The following STT3B variants were observed in gnomAD, a reference collection of about 807,000 sequenced individuals.
STT3B encodes dolichyl-diphosphooligosaccharide--protein glycosyltransferase subunit STT3B.
STT3B carries 29 observed loss-of-function variants against 96.8 expected under a neutral mutation model. The observed-to-expected ratio is 0.30, with a 90% CI of 0.22 to 0.41. The LOEUF is 0.41. STT3B is among the 10% of genes least tolerant of loss of function. STT3B has a pLI of 1.00. For missense variants in STT3B, 640 were observed against 1,022.3 expected, an observed-to-expected ratio of 0.63 and a Z score of 5.10; for synonymous variants, 367 against 360.0, an observed-to-expected ratio of 1.02 and a Z score of -0.22.
chr3:31,619,720 A>G lies in STT3B; in HGVS notation c.1217A>G (p.His406Arg), dbSNP rs1699385655. 6.2e-7 allele frequency: 1 copy of G among 1,613,754 alleles called. No homozygotes were observed. Among genetic ancestry groups the G allele is most frequent in the Non-Finnish European group, 8.5e-7 (1 of 1,179,914 alleles). Residue 406 changes from histidine to arginine, a missense_variant, in exon 9 of 16, where the codon CAT becomes CGT. His to Arg is a conservative substitution (Grantham distance 29). Transcript: ENST00000295770. ...CCAATTATTGCATCAGTGTCTGAGC[A>G]TCAACCTACGACTTGGGTGTCTTTC... ...HIPIIASVSE[H>R]QPTTWVSFFF...
chr3:31,615,322 G>T, intron 6 of STT3B, 119 bp downstream of exon 6: 2 of 682,156 alleles, frequency 2.9e-6, no homozygotes, highest in East Asian at 2.8e-5. Context: ...AAAGTAATCT[G>T]ACTCACAATT....
intron 3 of STT3B, among the ~76,000 whole-genome samples, chr3:31,591,779 C>A (rs1332665951): frequency 1.3e-5 from 2 of 152,004 alleles, no homozygotes; most frequent in Non-Finnish European, 2.9e-5. Context: ...TCAAGAGAGT[C>A]TTCTATATAC....
At chr3:31,617,186 CTTTTTTTT>C (rs5847707) in intron 7 of STT3B, 111 bp downstream of exon 7, 6 of 495,374 alleles carry the variant, frequency 1.2e-5, no homozygotes, top group Non-Finnish European at 1.9e-5. Context: ...TGATTTTTTT[CTTTTTTTT>C]TTTTTTTGAA....
intron 1 of STT3B, among the ~76,000 whole-genome samples, chr3:31,575,546 A>C (rs1380892242): frequency 6.6e-6 from 1 of 151,910 alleles, no homozygotes; most frequent in Non-Finnish European, 1.5e-5. Flanking sequence ...TGATTGTTGG[A>C]GTTGAGATCA....
At chr3:31,570,614 GA>G (rs1241442566) in intron 1 of STT3B, among the ~76,000 whole-genome samples, 1 of 152,248 alleles carries the variant, frequency 6.6e-6, no homozygotes, top group East Asian at 1.9e-4. Flanking sequence ...AAATGGAATG[GA>G]AAAGAGTAGT....
chr3:31,588,327 T>G (rs1380565793), intron 3 of STT3B, among the ~76,000 whole-genome samples: 1 of 152,140 alleles, frequency 6.6e-6, no homozygotes, highest in Non-Finnish European at 1.5e-5. Context: ...ACCCTTAAAA[T>G]ATTTGTCTCA....
intron 5 of STT3B, among the ~76,000 whole-genome samples, chr3:31,608,160 T>C (rs1699098660): frequency 6.6e-6 from 1 of 152,132 alleles, no homozygotes; most frequent in Non-Finnish European, 1.5e-5. Flanking sequence ...ACCTTCAAGG[T>C]AGGTGAGCCA....
chr3:31,572,543 A>C (rs1698183053), intron 1 of STT3B, among the ~76,000 whole-genome samples: 1 of 152,078 alleles, frequency 6.6e-6, no homozygotes, highest in Admixed American at 6.6e-5. Context: ...AAGTGTTGTA[A>C]GTTTGAACTT....
chr3:31,579,015 A>G (rs1432537456), intron 2 of STT3B, among the ~76,000 whole-genome samples: 1 of 152,024 alleles, frequency 6.6e-6, no homozygotes, highest in African/African-American at 2.4e-5. Context: ...CTAAGGGAGC[A>G]GATGTAAATG....
chr3:31,584,137 G>A (rs1244717269), intron 3 of STT3B, among the ~76,000 whole-genome samples: 3 of 152,138 alleles, frequency 2.0e-5, no homozygotes, highest in South Asian at 2.1e-4. Context: ...TCTTTTGCAT[G>A]TGGATATCCA....
chr3:31,635,633 C>T lies in STT3B; in HGVS notation c.2401-351C>T, dbSNP rs548218136. On this transcript the variant is annotated intron_variant, in intron 15 of 15. Coordinates refer to ENST00000295770, the MANE Select transcript of STT3B (RefSeq NM_178862.3). ...AATTTCCTGGAGGCTAAATCAGGAG[C>T]AGCATTACCATTTCTGATTCCTTAG... Among the ~76,000 whole-genome samples the T allele has an allele frequency of 2.6e-5, 4 of 152,262 alleles. No homozygotes were observed. The East Asian group carries it at 7.7e-4, about 29-fold the overall frequency.
At chr3:31,635,916 T>G in intron 15 of STT3B, 68 bp from the exon 16 acceptor site, 3 of 1,129,880 alleles carry the variant, frequency 2.7e-6, no homozygotes, top group African/African-American at 1.6e-5. Context: ...GTAAACCATG[T>G]GTGTGTTTAT....
chr3:31,615,303 A>G (rs906088007), intron 6 of STT3B, 100 bp downstream of exon 6: 14 of 836,258 alleles, frequency 1.7e-5, no homozygotes, highest in African/African-American at 5.2e-5. Flanking sequence ...GGTTGTTGCA[A>G]TGACAACCAA....
chr3:31,589,712 A>G lies in STT3B; in HGVS notation c.712-7086A>G, dbSNP rs565999241. Reference sequence around the variant, plus strand: ...TGATCATATATTCTGTGACCTTGCTAAATTTGCATGTTAAAATTTACTTTT... The same window carrying G: ...TGATCATATATTCTGTGACCTTGCTGAATTTGCATGTTAAAATTTACTTTT... On this transcript the variant is annotated intron_variant, in intron 3 of 15. Coordinates refer to ENST00000295770, the MANE Select transcript of STT3B (RefSeq NM_178862.3). Among the ~76,000 whole-genome samples, 4 of 152,130 alleles carry G rather than the reference A, an allele frequency of 2.6e-5. No individual in the cohort carries two copies. The East Asian group carries it at 5.8e-4, about 22-fold the overall frequency.
intron 5 of STT3B, among the ~76,000 whole-genome samples, chr3:31,606,863 A>G (rs1699065474): frequency 6.6e-6 from 1 of 152,218 alleles, no homozygotes; most frequent in Non-Finnish European, 1.5e-5. Flanking sequence ...ATGCTAGCCC[A>G]TGAAAGCAAC....
At chr3:31,534,712 C>T (rs1381014425) in intron 1 of STT3B, among the ~76,000 whole-genome samples, 1 of 152,184 alleles carries the variant, frequency 6.6e-6, no homozygotes, top group African/African-American at 2.4e-5. Context: ...GGGGCCCACT[C>T]ATGGACAATT....
intron 1 of STT3B, among the ~76,000 whole-genome samples, chr3:31,560,158 A>C (rs1017573839): frequency 1.3e-5 from 2 of 152,038 alleles, no homozygotes; most frequent in African/African-American, 2.4e-5. Context: ...TATATCTTTT[A>C]AGTGGAAAGT....
At position 31,579,820 on chromosome 3, in the gene STT3B, G is replaced by T. The variant is rs774317196; in HGVS notation, c.435G>T (p.Gly145=). 2.2e-5 allele frequency: 36 copies of T among 1,611,296 alleles called. 2 individuals are homozygous for T. The South Asian group carries it at 3.6e-4, about 16-fold the overall frequency. Residue 145 remains glycine, a synonymous_variant, in exon 3 of 16, where the codon GGG becomes GGT. Transcript: ENST00000295770. ...GRIVGGTVYP[G]LMITAGLIHW... ...TTTTTTCTTCCTAGGTTTACCCAGGGTTGATGATAACCGCTGGCCTTATTC... is the reference window on the plus strand; with the variant it reads ...TTTTTTCTTCCTAGGTTTACCCAGGTTTGATGATAACCGCTGGCCTTATTC...
chr3:31,602,546 G>A (rs1189144244), intron 5 of STT3B, among the ~76,000 whole-genome samples: 4 of 151,722 alleles, frequency 2.6e-5, no homozygotes, highest in Non-Finnish European at 4.4e-5. Flanking sequence ...TCAGATGGAA[G>A]TATATTCTAC....
Sources: allele counts gnomAD v4.1 joint callset (sites outside exome capture counted in the v4.1 genomes callset), GRCh38; gene constraint gnomAD v4.1.1; transcripts MANE v1.5; gene names NCBI Gene and HGNC (gene_info 2026-07-23, HGNC 2026-07-21).